Variants in CLNK observed in about 807,000 individuals in gnomAD.
CLNK encodes the protein cytokine dependent hematopoietic cell linker.
Under a neutral mutation model 68.6 loss-of-function variants are expected in CLNK, and 74 were observed. That is an observed-to-expected ratio of 1.08 (90% CI 0.89 to 1.31). CLNK has a LOEUF of 1.31. CLNK is among the 50% of genes most tolerant of loss of function. The pLI, the probability that CLNK is intolerant of heterozygous loss-of-function variation, is 0.00. For synonymous variants in CLNK, 198 were observed against 172.2 expected, an observed-to-expected ratio of 1.15 and a Z score of -1.17; for missense variants, 553 against 515.3, an observed-to-expected ratio of 1.07 and a Z score of -0.71.
chr4:10,647,211 A>T (rs576791579), intron 2 of CLNK, among the ~76,000 whole-genome samples: 7 of 152,312 alleles, frequency 4.6e-5, no homozygotes, highest in African/African-American at 1.7e-4. Context: ...CTTGTTATGT[A>T]TCAAGAGATC....
intron 8 of CLNK, among the ~76,000 whole-genome samples, chr4:10,543,079 G>A (rs1314620467): frequency 1.3e-5 from 2 of 152,156 alleles, no homozygotes; most frequent in Admixed American, 1.3e-4. Context: ...CAAGCTTCTG[G>A]CTCTGGGGAT....
At chr4:10,563,691 G>A (rs1229158460) in intron 7 of CLNK, among the ~76,000 whole-genome samples, 5 of 152,104 alleles carry the variant, frequency 3.3e-5, no homozygotes, top group African/African-American at 7.2e-5. Flanking sequence ...GGTGGATCAC[G>A]AGGTCAGGAT....
intron 5 of CLNK, among the ~76,000 whole-genome samples, chr4:10,570,808 CT>C (rs1419904260): frequency 6.6e-6 from 1 of 152,076 alleles, no homozygotes. Context: ...AAATTTTAAT[CT>C]TTTTCTCTAG....
intron 16 of CLNK, among the ~76,000 whole-genome samples, chr4:10,512,932 A>G (rs567536913): frequency 6.6e-6 from 1 of 152,232 alleles, no homozygotes; most frequent in East Asian, 1.9e-4. Context: ...CACAAAATAG[A>G]TGACAGACAC....
chr4:10,668,759 T>G (rs975914025), intron 1 of CLNK, among the ~76,000 whole-genome samples: 5 of 152,144 alleles, frequency 3.3e-5, no homozygotes, highest in Non-Finnish European at 5.9e-5. Context: ...GAGCTGTGGC[T>G]TTCAGTTGTG....
intron 11 of CLNK, among the ~76,000 whole-genome samples, chr4:10,538,826 C>T (rs1222878964): frequency 1.3e-5 from 2 of 152,152 alleles, no homozygotes; most frequent in Non-Finnish European, 2.9e-5. Flanking sequence ...TATGGGGCAA[C>T]ATAGGTACCA....
intron 18 of CLNK, among the ~76,000 whole-genome samples, chr4:10,496,987 CTTTG>C (rs770693798): frequency 8.5e-5 from 13 of 152,172 alleles, no homozygotes; most frequent in Non-Finnish European, 1.9e-4. Context: ...TCTTTCCTTG[CTTTG>C]TTTGTGTGTT....
upstream of CLNK, among the ~76,000 whole-genome samples, chr4:10,685,461 T>C (rs1207309657): frequency 4.6e-5 from 7 of 152,230 alleles, no homozygotes; most frequent in Non-Finnish European, 1.0e-4. Context: ...CAGTAATGTT[T>C]GGGCACATAT....
At chr4:10,717,753 C>T in the CLNK span, among the ~76,000 whole-genome samples, 23 of 152,082 alleles carry the variant, frequency 1.5e-4, no homozygotes, top group Admixed American at 1.3e-4. Context: ...AGCTAAAACA[C>T]GAAGTTTAAG....
chr4:10,499,373 G>T (rs1221143421), intron 18 of CLNK, among the ~76,000 whole-genome samples: 1 of 152,108 alleles, frequency 6.6e-6, no homozygotes, highest in East Asian at 1.9e-4. Flanking sequence ...TCCTTTGTTC[G>T]AGTGTTCAAT....
chr4:10,659,819 T>C (rs977824896), intron 2 of CLNK, among the ~76,000 whole-genome samples: 5 of 152,342 alleles, frequency 3.3e-5, no homozygotes, highest in Admixed American at 6.5e-5. Flanking sequence ...ATACATTTTC[T>C]AGGACTTCCT....
upstream of CLNK, among the ~76,000 whole-genome samples, chr4:10,689,762 T>TTTTTTTTTTTTTTTTTTTC (rs55754483): frequency 2.0e-5 from 3 of 149,442 alleles, no homozygotes; most frequent in Non-Finnish European, 3.0e-5. Context: ...TTTTTTTTTT[T>TTTTTTTTTTTTTTTTTTTC]ACAAATTGTG....
chr4:10,643,714 A>G (rs936071371), intron 2 of CLNK, among the ~76,000 whole-genome samples: 1 of 152,262 alleles, frequency 6.6e-6, no homozygotes, highest in Non-Finnish European at 1.5e-5. Context: ...AAATTAGTTT[A>G]TGCCAAAATA....
At chr4:10,513,305 A>T (rs1467923179) in intron 16 of CLNK, among the ~76,000 whole-genome samples, 159 bp downstream of exon 16, 1 of 152,244 alleles carries the variant, frequency 6.6e-6, no homozygotes, top group Non-Finnish European at 1.5e-5. Flanking sequence ...ATTTAAAAAT[A>T]TTAAAATACT....
chr4:10,552,119 G>A (rs1719486983), intron 8 of CLNK, among the ~76,000 whole-genome samples: 1 of 151,994 alleles, frequency 6.6e-6, no homozygotes, highest in Non-Finnish European at 1.5e-5. Flanking sequence ...GCCTCCCAAA[G>A]TGTTGGGATT....
chr4:10,589,907 C>G (rs61795146), intron 3 of CLNK, among the ~76,000 whole-genome samples: 1 of 152,046 alleles, frequency 6.6e-6, no homozygotes, highest in Non-Finnish European at 1.5e-5. Context: ...CAAGGATGCA[C>G]CCTGGCTGCC....
chr4:10,649,368 A>G (rs1723639619), intron 2 of CLNK, among the ~76,000 whole-genome samples: 3 of 152,208 alleles, frequency 2.0e-5, no homozygotes, highest in Non-Finnish European at 1.5e-5. Context: ...AAGGTGAATA[A>G]AGATGAGAAC....
chr4:10,662,694 A>G lies in CLNK; in HGVS notation c.11+5165T>C, dbSNP rs1724240523. Among the ~76,000 whole-genome samples the G allele has an allele frequency of 4.6e-5, 7 of 152,252 alleles. No individual in the cohort carries two copies. The South Asian group carries it at 1.2e-3, about 27-fold the overall frequency. On this transcript the variant is annotated intron_variant, in intron 2 of 18. Transcript: ENST00000226951. Reference sequence around the variant, plus strand: ...GTTATTAAATGAATGACTTAAAACAATGAGTTTTAAAAGTAGATTTTCTAA... The same window carrying G: ...GTTATTAAATGAATGACTTAAAACAGTGAGTTTTAAAAGTAGATTTTCTAA...
At chr4:10,647,679 G>A (rs1432512767) in intron 2 of CLNK, among the ~76,000 whole-genome samples, 1 of 152,234 alleles carries the variant, frequency 6.6e-6, no homozygotes, top group African/African-American at 2.4e-5. Context: ...TATGTCCTGG[G>A]TGAGGCCTTT....
Sources: allele counts gnomAD v4.1 joint callset (sites outside exome capture counted in the v4.1 genomes callset), GRCh38; gene constraint gnomAD v4.1.1; transcripts MANE v1.5; gene names NCBI Gene and HGNC (gene_info 2026-07-23, HGNC 2026-07-21).